Variants in DAB1 observed in about 807,000 individuals in gnomAD.
DAB1 encodes the protein disabled homolog 1.
DAB1 carries 15 observed loss-of-function variants against 64.6 expected under a neutral mutation model. The ratio of observed to expected loss-of-function variants is 0.23; its 90% CI spans 0.16 to 0.36. The LOEUF (loss-of-function observed/expected upper bound fraction) is 0.36, where lower values mean the gene tolerates loss of function less well. Among genes scored for constraint, DAB1 ranks in the 10% least tolerant of loss-of-function variants. The pLI, the probability that DAB1 is intolerant of heterozygous loss-of-function variation, is 1.00. For synonymous variants in DAB1, 235 were observed against 251.9 expected, an observed-to-expected ratio of 0.93 and a Z score of 0.64; for missense variants, 596 against 706.7, an observed-to-expected ratio of 0.84 and a Z score of 1.78.
intron 1 of DAB1, chr1:57,867,504 A>G (rs1274636050): frequency 1.3e-5 from 2 of 152,170 alleles, no homozygotes; most frequent in Non-Finnish European, 2.9e-5. Context: ...CAAAAAAGTA[A>G]CTAAACTGCA....
At chr1:57,582,907 T>G (rs1645330642) in intron 7 of DAB1, among the ~76,000 whole-genome samples, 1 of 152,212 alleles carries the variant, frequency 6.6e-6, no homozygotes, top group Admixed American at 6.5e-5. Flanking sequence ...TGACCCAGTT[T>G]TGGTCATTGA....
chr1:58,229,068 T>C (rs912850877), intron 4 of DAB1: 7 of 267,180 alleles, frequency 2.6e-5, no homozygotes, highest in African/African-American at 1.1e-4. Context: ...CCAGGCTCAA[T>C]TGATCCTCCT....
intron 3 of DAB1, among the ~76,000 whole-genome samples, chr1:58,364,281 A>T (rs2100528619): frequency 6.6e-6 from 1 of 152,334 alleles, no homozygotes; most frequent in Admixed American, 6.5e-5. Context: ...AACTGGAACC[A>T]ACTGCTGCTG....
chr1:58,199,482 T>A (rs1020065576), intron 4 of DAB1, among the ~76,000 whole-genome samples: 1 of 152,210 alleles, frequency 6.6e-6, no homozygotes, highest in Non-Finnish European at 1.5e-5. Context: ...TCTCTTTTTT[T>A]AGTTCCTTTT....
intron 7 of DAB1, among the ~76,000 whole-genome samples, chr1:57,559,594 C>T (rs1337809294): frequency 6.6e-6 from 1 of 152,094 alleles, no homozygotes; most frequent in Non-Finnish European, 1.5e-5. Flanking sequence ...TAAAATAGGG[C>T]TTATGGAGGT....
intron 7 of DAB1, among the ~76,000 whole-genome samples, chr1:57,545,932 A>G (rs1570613725): frequency 1.3e-5 from 2 of 152,206 alleles, no homozygotes; most frequent in Admixed American, 6.5e-5. Context: ...TAAAGATTTC[A>G]TAATAAAGTC....
intron 3 of DAB1, among the ~76,000 whole-genome samples, chr1:58,444,379 T>G (rs1456615055): frequency 1.8e-4 from 27 of 152,198 alleles, no homozygotes; most frequent in Admixed American, 1.8e-3. Flanking sequence ...ATAAGAAAAC[T>G]AAGGCTCAGA....
chr1:57,649,433 A>T lies in DAB1; in HGVS notation n.625+159T>A, dbSNP rs556184525. Among the ~76,000 whole-genome samples, 3 of 152,332 alleles carry T rather than the reference A, an allele frequency of 2.0e-5. No individual in the cohort carries two copies. The South Asian group carries it at 6.2e-4, about 32-fold the overall frequency. ...CTAGAGAAAAGCAACCCGAAGCACC[A>T]ATTCCAAAGGCTCCATGAACCCTCT... On this transcript the variant is annotated intron_variant and non_coding_transcript_variant, in intron 7 of 20. Transcript: ENST00000485760.
intron 4 of DAB1, among the ~76,000 whole-genome samples, chr1:58,163,710 A>G (rs1353123791): frequency 6.6e-6 from 1 of 152,184 alleles, no homozygotes; most frequent in African/African-American, 2.4e-5. Context: ...GGAGATGCCC[A>G]TGCTCAAGTG....
chr1:57,358,510 C>T (rs1679298400), intron 1 of DAB1, among the ~76,000 whole-genome samples: 1 of 151,730 alleles, frequency 6.6e-6, no homozygotes, highest in Admixed American at 6.6e-5. Flanking sequence ...AAAAGACATC[C>T]CATGTTTAAG....
At chr1:58,048,848 C>T in intron 5 of DAB1, 1 of 1,012,638 alleles carries the variant, frequency 9.9e-7, no homozygotes, top group South Asian at 1.3e-5. Flanking sequence ...GTTACAAAGG[C>T]AAAGCCCCTT....
At chr1:58,508,910 C>T (rs1240525447) in intron 2 of DAB1, among the ~76,000 whole-genome samples, 1 of 152,112 alleles carries the variant, frequency 6.6e-6, no homozygotes, top group African/African-American at 2.4e-5. Context: ...AAGGGACTGG[C>T]TTCTGTCTCA....
intron 3 of DAB1, among the ~76,000 whole-genome samples, chr1:58,449,814 T>A (rs1645113034): frequency 6.6e-6 from 1 of 152,226 alleles, no homozygotes; most frequent in Non-Finnish European, 1.5e-5. Flanking sequence ...ATAGCAGTCA[T>A]TCCACTGTAT....
Position 56,997,754 on chromosome 1 carries a change from A to G in DAB1, c.*390T>C, listed in dbSNP as rs1645685362. The G allele has an allele frequency of 6.6e-6, 1 of 152,198 alleles. No individual in the cohort carries two copies. The highest frequency in any genetic ancestry group is 2.1e-4 in the South Asian group (1 of 4,822). 9.4% of individuals were successfully genotyped at this position (152,198 alleles called of 1,614,324 possible). A position where few individuals can be genotyped will look rare whatever the true frequency, so the allele number is the denominator to read the frequency against. ...CTGTCACTCCAAATTTGGTGTCTCA[A>G]CAGTGGTCAACAGGTAGAGAAATAA... On this transcript the variant is annotated 3_prime_UTR_variant, in exon 15 of 15. Coordinates refer to ENST00000371236, the MANE Select transcript of DAB1 (RefSeq NM_001365792.1).
chr1:58,321,324 T>C (rs1354881944), intron 4 of DAB1, among the ~76,000 whole-genome samples: 3 of 152,210 alleles, frequency 2.0e-5, no homozygotes, highest in Non-Finnish European at 4.4e-5. Context: ...ACAGCTCCAG[T>C]CTGCAGCTCC....
Position 57,071,034 on chromosome 1 carries a change from G to C in DAB1, c.586C>G (p.Pro196Ala), listed in dbSNP as rs1441151468. The part of the protein sequence containing the change: ...QTILEEDVED[P>A]VYQYIVFEAG... ...GTTTCAGAAATTACCTGGTACACAG[G>C]ATCTTCAACATCCTCTTCCAATATT... Residue 196 changes from proline to alanine, a missense_variant, in exon 7 of 15, where the codon CCT (proline) becomes GCT (alanine). Physicochemically the swap from Pro to Ala is conservative, Grantham distance 27 (BLOSUM62 -1). This residue lies in a region of DAB1 where 176 missense variants were observed against 266.7 expected (regional missense o/e 0.66). Transcript: ENST00000371236. 1 of 1,612,946 alleles carries C rather than the reference G, an allele frequency of 6.2e-7. No individual in the cohort carries two copies. Among genetic ancestry groups the C allele is most frequent in the African/African-American group, 1.3e-5 (1 of 74,978 alleles).
At chr1:57,793,135 C>T (rs534491416) in intron 6 of DAB1, among the ~76,000 whole-genome samples, 14 of 152,180 alleles carry the variant, frequency 9.2e-5, no homozygotes, top group Non-Finnish European at 1.9e-4. Context: ...GTAATCCAAA[C>T]ACAATATCTA....
intron 4 of DAB1, among the ~76,000 whole-genome samples, chr1:58,308,246 G>A (rs1662349340): frequency 6.6e-6 from 1 of 152,006 alleles, no homozygotes; most frequent in Non-Finnish European, 1.5e-5. Flanking sequence ...ACCTCAAAAG[G>A]GATGCCCTCA....
intron 2 of DAB1, among the ~76,000 whole-genome samples, chr1:57,152,867 T>C (rs1659826642): frequency 6.6e-6 from 1 of 152,186 alleles, no homozygotes; most frequent in African/African-American, 2.4e-5. Flanking sequence ...GTGCTAAAGC[T>C]AGGATTTGAA....
Sources: allele counts gnomAD v4.1 joint callset (sites outside exome capture counted in the v4.1 genomes callset), GRCh38; gene constraint gnomAD v4.1.1; regional missense constraint gnomAD v4.1.1; transcripts MANE v1.5; gene names NCBI Gene and HGNC (gene_info 2026-07-23, HGNC 2026-07-21).